ELOA2: variants seen among roughly 807,000 people sequenced by gnomAD.
The protein encoded by ELOA2 is elongin A2, also known as elongin-A2.
For missense variants in ELOA2, 1,271 were observed against 979.7 expected, an observed-to-expected ratio of 1.30 and a Z score of -3.97; for synonymous variants, 497 against 398.8, an observed-to-expected ratio of 1.25 and a Z score of -2.94.
In ELOA2 at chr18:47,033,244, G is replaced by C. The variant is rs373374028; in HGVS notation, c.2021C>G (p.Pro674Arg). Residue 674 changes from proline to arginine, a missense_variant, in exon 1 of 1, where the codon CCA becomes CGA. Transcript: ENST00000332567. ...DADPENGEIKPASKPAGSSHT... is the reference protein window; with the variant it reads ...DADPENGEIKRASKPAGSSHT... The stretch of plus-strand genomic sequence containing the variant: ...GCTGCTTCCCGCGGGCTTGGAGGCT[G>C]GCTTGATCTCCCCATTTTCGGGGTC... The C allele has an allele frequency of 1.2e-6, 2 of 1,613,652 alleles. No homozygotes were observed. The highest frequency in any genetic ancestry group is 2.7e-5 in the African/African-American group (2 of 74,924).
rs765481551 is a variant in ELOA2, at chr18:47,034,019, C to T, written c.1246G>A (p.Glu416Lys). ...CAGGACTCACGAGTGCCCTTGGATT[C>T]GTTTGCTTTCCTTTGTTTATCTCCA... ...ALGDKQRKAN[E>K]SKGTRESWDS... Residue 416 changes from glutamate to lysine, a missense_variant, in exon 1 of 1, where the codon GAA becomes AAA. Physicochemically the swap from Glu to Lys is moderately conservative, Grantham distance 56. Transcript: ENST00000332567. 3 of 1,614,132 alleles carry T rather than the reference C, an allele frequency of 1.9e-6. No homozygotes were observed. Among genetic ancestry groups the T allele is most frequent in the Middle Eastern group, 3.3e-4 (2 of 5,998 alleles).
rs759119659 is a variant in ELOA2, at chr18:47,032,542, C to G, written c.*461G>C. 9.6e-6 allele frequency: 2 copies of G among 208,320 alleles called. No homozygotes were observed. Among genetic ancestry groups the G allele is most frequent in the Non-Finnish European group, 1.9e-5 (2 of 103,340 alleles). The allele number at this position is 208,320 out of a possible 1,614,324, so 12.9% of individuals were successfully genotyped here. ...TGGCTCACGATTACAAGATCATGCT[C>G]AGCCTTTTATTAAAACAACAACAAC... On this transcript the variant is annotated 3_prime_UTR_variant, in exon 1 of 1. Transcript: ENST00000332567.
rs2146942687 is a variant in ELOA2, at chr18:47,033,227, C to T, written c.2038G>A (p.Gly680Arg). 6.2e-7 allele frequency: 1 copy of T among 1,613,910 alleles called. No individual in the cohort carries two copies. The highest frequency in any genetic ancestry group is 8.5e-7 in the Non-Finnish European group (1 of 1,180,026). ...TGGCTGGAGGGAGTGTGGCTGCTTCCCGCGGGCTTGGAGGCTGGCTTGATC... is the reference window on the plus strand; with the variant it reads ...TGGCTGGAGGGAGTGTGGCTGCTTCTCGCGGGCTTGGAGGCTGGCTTGATC... The part of the protein sequence containing the change: ...GEIKPASKPA[G>R]SSHTPSSQSS... The change falls in exon 1 of 1, where the codon GGA (glycine) becomes AGA (arginine). Residue 680 changes from glycine (G) to arginine (R), a missense_variant. Gly to Arg is a moderately radical substitution (Grantham distance 125). Coordinates refer to ENST00000332567, the MANE Select transcript of ELOA2 (RefSeq NM_016427.3).
chr18:47,035,103 C>G lies in ELOA2; in HGVS notation c.162G>C (p.Lys54Asn), dbSNP rs970450328. The G allele has an allele frequency of 6.2e-7, 1 of 1,611,224 alleles. No homozygotes were observed. Among genetic ancestry groups the G allele is most frequent in the Non-Finnish European group, 8.5e-7 (1 of 1,179,470 alleles). The change falls in exon 1 of 1, where the codon AAG becomes AAC. Residue 54 changes from lysine (K) to asparagine (N), a missense_variant. Coordinates refer to ENST00000332567, the MANE Select transcript of ELOA2 (RefSeq NM_016427.3). ...CCACGTGCTGGTGCTTCCGCAGGCG[C>G]TTCACCGTCTTTCTGATTCCAGTCT... is the stretch of plus-strand genomic sequence containing the variant. ...LAETGIRKTV[K>N]RLRKHQHVGD... is the part of the protein sequence containing the mutation.
At position 47,033,230 on chromosome 18, in the gene ELOA2, C is replaced by G; in HGVS notation, c.2035G>C (p.Ala679Pro). The change falls in exon 1 of 1, where the codon GCG becomes CCG. Residue 679 changes from alanine (A) to proline (P), a missense_variant. Coordinates refer to ENST00000332567, the MANE Select transcript of ELOA2 (RefSeq NM_016427.3). ...NGEIKPASKP[A>P]GSSHTPSSQS... ...CTGGAGGGAGTGTGGCTGCTTCCCG[C>G]GGGCTTGGAGGCTGGCTTGATCTCC... The G allele has an allele frequency of 6.2e-7, 1 of 1,613,904 alleles. No homozygotes were observed.
At position 47,035,051 on chromosome 18, in the gene ELOA2, G is replaced by C. The variant is rs199722480; in HGVS notation, c.214C>G (p.Arg72Gly). 16 of 1,611,780 alleles carry C rather than the reference G, an allele frequency of 9.9e-6. No homozygotes were observed. Among genetic ancestry groups the C allele is most frequent in the African/African-American group, 1.3e-5 (1 of 74,962 alleles). The change falls in exon 1 of 1, where the codon CGG (arginine) becomes GGG (glycine). Residue 72 changes from arginine (R) to glycine (G), a missense_variant. Transcript: ENST00000332567. ...VGDFARDLAA[R>G]WKKLVLVDRN... ...TCCACGAGCACCAGCTTCTTCCACCGGGCCGCTAAGTCTCTGGCAAAGTCG... is the reference window on the plus strand; with the variant it reads ...TCCACGAGCACCAGCTTCTTCCACCCGGCCGCTAAGTCTCTGGCAAAGTCG...
Position 47,034,558 on chromosome 18 carries a change from G to C in ELOA2, c.707C>G (p.Pro236Arg). 1 of 1,614,236 alleles carries C rather than the reference G, an allele frequency of 6.2e-7. No homozygotes were observed. Among genetic ancestry groups the C allele is most frequent in the Non-Finnish European group, 8.5e-7 (1 of 1,180,034 alleles). Residue 236 changes from proline to arginine, a missense_variant, in exon 1 of 1, where the codon CCC becomes CGC. Transcript: ENST00000332567. Reference protein sequence around the residue: ...GHKSSRQEKRPLCAQGDWHSP... With the variant: ...GHKSSRQEKRRLCAQGDWHSP... ...GTGCCAATCTCCCTGGGCACACAAGGGGCGTTTTTCCTGGCGAGACGATTT... is the reference window on the plus strand; with the variant it reads ...GTGCCAATCTCCCTGGGCACACAAGCGGCGTTTTTCCTGGCGAGACGATTT...
Position 47,035,414 on chromosome 18 carries a change from G to T in ELOA2, c.-150C>A. ...GGAGTCACAGCCTGGAGCGAGCTGG[G>T]TCCTCGGAGCAGCAGGCCACTTGGT... On this transcript the variant is annotated 5_prime_UTR_variant, in exon 1 of 1. Transcript: ENST00000332567. The T allele has an allele frequency of 7.5e-6, 11 of 1,469,238 alleles. No individual in the cohort carries two copies. In the South Asian group the frequency reaches 1.4e-4, roughly 19 times the overall value. 91.0% of individuals were successfully genotyped at this position (1,469,238 alleles called of 1,614,324 possible).
rs61745190 is a variant in ELOA2, at chr18:47,034,707, G to A, written c.558C>T (p.Pro186=). The A allele has an allele frequency of 1.3e-3, 2,168 of 1,612,902 alleles. 33 individuals are homozygous for A. The African/African-American group carries it at 0.024, about 18-fold the overall frequency. ...TTCCGGGTTGCTTCCCGGGCGCAGC[G>A]GGCTCAGGGCCCTCGGGCATCCGGA... is the stretch of plus-strand genomic sequence containing the variant. The part of the protein sequence containing the change: ...APLRMPEGPE[P]AAPGKQPGRG... Residue 186 remains proline (P), a synonymous_variant, in exon 1 of 1, where the codon CCC becomes CCT. Transcript: ENST00000332567.
rs1220133880 is a variant in ELOA2, at chr18:47,034,778, C to A, written c.487G>T (p.Ala163Ser). 6.2e-7 allele frequency: 1 copy of A among 1,612,474 alleles called. No individual in the cohort carries two copies. The highest frequency in any genetic ancestry group is 8.5e-7 in the Non-Finnish European group (1 of 1,179,716). ...AERKCPRIAP[A>S]DSGRYRASPT... The stretch of plus-strand genomic sequence containing the variant: ...GAGGCCCGATAGCGGCCGGAATCAG[C>A]TGGGGCTATTCTGGGGCACTTTCTC... Residue 163 changes from alanine (A) to serine (S), a missense_variant, in exon 1 of 1, where the codon GCT becomes TCT. Transcript: ENST00000332567.
chr18:47,033,930 G>A lies in ELOA2; in HGVS notation c.1335C>T (p.Gly445=), dbSNP rs924602075. 4 of 1,612,820 alleles carry A rather than the reference G, an allele frequency of 2.5e-6. No individual in the cohort carries two copies. Among genetic ancestry groups the A allele is most frequent in the Admixed American group, 1.7e-5 (1 of 60,020 alleles). ...CCGTTTTCGGCCCGGCGGAATCAGC[G>A]CCGGCCGCCTGCAGCCTCTCTGACT... ...ESQSERLQAA[G]ADSAGPKTVP... Residue 445 remains glycine, a synonymous_variant, in exon 1 of 1, where the codon GGC becomes GGT. Transcript: ENST00000332567.
At position 47,034,983 on chromosome 18, in the gene ELOA2, A is replaced by C. The variant is rs916430969; in HGVS notation, c.282T>G (p.Ala94=). The change falls in exon 1 of 1, where the codon GCT becomes GCG. Residue 94 remains alanine (A), a synonymous_variant. Transcript: ENST00000332567. ...RPGPQDPEES[A]SRQRFGEALQ... ...GAGCCTCCCCGAAGCGCTGTCGGGAAGCGCTCTCCTCAGGGTCCTGTGGGC... is the reference window on the plus strand; with the variant it reads ...GAGCCTCCCCGAAGCGCTGTCGGGACGCGCTCTCCTCAGGGTCCTGTGGGC... 3.1e-6 allele frequency: 5 copies of C among 1,611,424 alleles called. No homozygotes were observed. The highest frequency in any genetic ancestry group is 1.1e-5 in the South Asian group (1 of 90,960).
chr18:47,034,662 A>T lies in ELOA2; in HGVS notation c.603T>A (p.Ala201=). 2 of 1,613,572 alleles carry T rather than the reference A, an allele frequency of 1.2e-6. No individual in the cohort carries two copies. Among genetic ancestry groups the T allele is most frequent in the Non-Finnish European group, 1.7e-6 (2 of 1,179,916 alleles). The change falls in exon 1 of 1, where the codon GCT becomes GCA. Residue 201 remains alanine (A), a synonymous_variant. Transcript: ENST00000332567. ...KQPGRGHTHA[A]QGGPLLCPGC... ...CTGGACACAGCAGAGGCCCGCCCTGAGCCGCGTGAGTGTGGCCTCTTCCGG... is the reference window on the plus strand; with the variant it reads ...CTGGACACAGCAGAGGCCCGCCCTGTGCCGCGTGAGTGTGGCCTCTTCCGG...
In ELOA2 at chr18:47,032,871, C is replaced by A; in HGVS notation, c.*132G>T. On this transcript the variant is annotated 3_prime_UTR_variant, in exon 1 of 1. Coordinates refer to ENST00000332567, the MANE Select transcript of ELOA2 (RefSeq NM_016427.3). The stretch of plus-strand genomic sequence containing the variant: ...TCACAGGGCCAGCACATGACACCTG[C>A]AGAATTCAAAGGCTCAACTTTGCAC... The A allele has an allele frequency of 6.5e-7, 1 of 1,550,136 alleles. No homozygotes were observed. The highest frequency in any genetic ancestry group is 8.7e-7 in the Non-Finnish European group (1 of 1,143,364).
In ELOA2 at chr18:47,032,800, G is replaced by A; in HGVS notation, c.*203C>T. On this transcript the variant is annotated 3_prime_UTR_variant, in exon 1 of 1. Coordinates refer to ENST00000332567, the MANE Select transcript of ELOA2 (RefSeq NM_016427.3). Reference sequence around the variant, plus strand: ...TGCGTTCATATCTTCTGAATTCTGAGGTGTTCTCCAAGCTGGGAGGTAGTG... The same window carrying A: ...TGCGTTCATATCTTCTGAATTCTGAAGTGTTCTCCAAGCTGGGAGGTAGTG... 1 of 885,326 alleles carries A rather than the reference G, an allele frequency of 1.1e-6. No individual in the cohort carries two copies. The highest frequency in any genetic ancestry group is 1.8e-5 in the South Asian group (1 of 56,792). 54.8% of individuals were successfully genotyped at this position (885,326 alleles called of 1,614,324 possible).
In ELOA2 at chr18:47,034,171, G is replaced by T. The variant is rs763298258; in HGVS notation, c.1094C>A (p.Ser365Tyr). 1 of 1,614,184 alleles carries T rather than the reference G, an allele frequency of 6.2e-7. No homozygotes were observed. The highest frequency in any genetic ancestry group is 1.1e-5 in the South Asian group (1 of 91,070). ...HLDRTSVSSL[S>Y]EVEEVDMAEE... ...AGCCATATCTACCTCCTCCACCTCA[G>T]AGAGGGAGCTCACGGACGTTCTGTC... Residue 365 changes from serine to tyrosine, a missense_variant, in exon 1 of 1, where the codon TCT becomes TAT. Ser to Tyr is a moderately radical substitution (Grantham distance 144). Coordinates refer to ENST00000332567, the MANE Select transcript of ELOA2 (RefSeq NM_016427.3).
In ELOA2 at chr18:47,033,029, A is replaced by C. The variant is rs1298838094; in HGVS notation, c.2236T>G (p.Tyr746Asp). 6.2e-7 allele frequency: 1 copy of C among 1,614,102 alleles called. No individual in the cohort carries two copies. Among genetic ancestry groups the C allele is most frequent in the East Asian group, 2.2e-5 (1 of 44,884 alleles). The change falls in exon 1 of 1, where the codon TAC (tyrosine) becomes GAC (aspartate). Residue 746 changes from tyrosine to aspartate, a missense_variant. Coordinates refer to ENST00000332567, the MANE Select transcript of ELOA2 (RefSeq NM_016427.3). ...TATCGTCGGGAGAATCTTCTCTTGT[A>C]GTCTCGAATTGCCTTGGCCATCAGC... ...APLMAKAIRD[Y>D]KRRFSRR
chr18:47,034,763 A>C lies in ELOA2; in HGVS notation c.502T>G (p.Tyr168Asp). ...GCTGTGCGCGTTGGAGAGGCCCGAT[A>C]GCGGCCGGAATCAGCTGGGGCTATT... ...PRIAPADSGR[Y>D]RASPTRTAPL... Residue 168 changes from tyrosine (Y) to aspartate (D), a missense_variant, in exon 1 of 1, where the codon TAT becomes GAT. Transcript: ENST00000332567. 6.2e-7 allele frequency: 1 copy of C among 1,609,374 alleles called. No homozygotes were observed. Among genetic ancestry groups the C allele is most frequent in the Non-Finnish European group, 8.5e-7 (1 of 1,177,134 alleles).
At position 47,035,237 on chromosome 18, in the gene ELOA2, C is replaced by T. The variant is rs2060712688; in HGVS notation, c.28G>A (p.Ala10Thr). The T allele has an allele frequency of 1.2e-6, 2 of 1,612,804 alleles. No individual in the cohort carries two copies. Among genetic ancestry groups the T allele is most frequent in the Middle Eastern group, 2.0e-4 (1 of 5,080 alleles). The change falls in exon 1 of 1, where the codon GCA becomes ACA. Residue 10 changes from alanine (A) to threonine (T), a missense_variant. Physicochemically the swap from Ala to Thr is moderately conservative, Grantham distance 58 (BLOSUM62 0). Transcript: ENST00000332567. ...AGACGCACCTGCAGCTTCTCCACTG[C>T]GTGCAGCGTAGTGGACCCTGCCGCC... The part of the protein sequence containing the change: MAAGSTTLH[A>T]VEKLQVRLAT...
Sources: allele counts gnomAD v4.1 joint callset, GRCh38; gene constraint gnomAD v4.1.1; transcripts MANE v1.5; gene names NCBI Gene and HGNC (gene_info 2026-07-23, HGNC 2026-07-21).